DRD2: variants seen among roughly 807,000 people sequenced by gnomAD.
DRD2 encodes the protein dopamine receptor D2, also known as D(2) dopamine receptor.
Under a neutral mutation model 38.0 loss-of-function variants are expected in DRD2, and 8 were observed. That is an observed-to-expected ratio of 0.21 (90% CI 0.12 to 0.38). The LOEUF is 0.38. Ranked by LOEUF, DRD2 falls within the 10% of genes least tolerant of loss-of-function variation. The pLI, the probability that DRD2 is intolerant of heterozygous loss-of-function variation, is 1.00. For synonymous variants in DRD2, 230 were observed against 238.6 expected, an observed-to-expected ratio of 0.96 and a Z score of 0.33; for missense variants, 403 against 607.7, an observed-to-expected ratio of 0.66 and a Z score of 3.54.
intron 1 of DRD2, among the ~76,000 whole-genome samples, chr11:113,449,016 C>A (rs1591295286): frequency 6.6e-6 from 1 of 152,238 alleles, no homozygotes; most frequent in South Asian, 2.1e-4. Flanking sequence ...TTCTATGACT[C>A]CCCTGAAGGG....
chr11:113,415,810 T>C (rs1397978948), intron 4 of DRD2, among the ~76,000 whole-genome samples, 199 bp from the exon 5 acceptor site: 1 of 152,236 alleles, frequency 6.6e-6, no homozygotes, highest in African/African-American at 2.4e-5. Flanking sequence ...AACACGGTTG[T>C]GAGCAAAAAG....
At chr11:113,453,747 G>A (rs1425667241) in intron 1 of DRD2, among the ~76,000 whole-genome samples, 1 of 152,200 alleles carries the variant, frequency 6.6e-6, no homozygotes, top group Non-Finnish European at 1.5e-5. Context: ...CCCCAGGCTG[G>A]ACTCCCTAAA....
chr11:113,410,801 C>T lies in DRD2; in HGVS notation c.1258G>A (p.Ala420Thr). 1 of 1,613,212 alleles carries T rather than the reference C, an allele frequency of 6.2e-7. No individual in the cohort carries two copies. The highest frequency in any genetic ancestry group is 8.5e-7 in the Non-Finnish European group (1 of 1,179,698). The change falls in exon 8 of 8, where the codon GCC becomes ACC. Residue 420 changes from alanine (A) to threonine (T), a missense_variant. Around this residue, in one of 4 missense-constraint regions of DRD2, gnomAD observed 67 missense variants for 136.1 expected, o/e 0.49. Transcript: ENST00000362072. The stretch of plus-strand genomic sequence containing the variant: ...GTGGTGTAGATGATGGGGTTCACGG[C>T]GCTGTTGACATAGCCCAGCCACGTG... ...AFTWLGYVNS[A>T]VNPIIYTTFN...
intron 1 of DRD2, among the ~76,000 whole-genome samples, chr11:113,434,538 G>A (rs990677388): frequency 6.6e-6 from 1 of 152,206 alleles, no homozygotes; most frequent in African/African-American, 2.4e-5. Flanking sequence ...TCCCAGGTGG[G>A]CATCACTGTG....
chr11:113,433,338 T>C, intron 1 of DRD2, among the ~76,000 whole-genome samples: 1 of 152,066 alleles, frequency 6.6e-6, no homozygotes, highest in East Asian at 1.9e-4. Flanking sequence ...GGGGAAGGGC[T>C]CCTCCTTCTT....
rs1032546585 is a variant in DRD2 at position 113,475,298 on chromosome 11, C to A, written c.-254G>T. On this transcript the variant is annotated 5_prime_UTR_variant, in exon 1 of 8. Coordinates refer to ENST00000362072, the MANE Select transcript of DRD2 (RefSeq NM_000795.4). Reference sequence around the variant, plus strand: ...GAGCAGTGGACGGGCCGCGGCGGGGCGGGGCGGGGCGGGGCCGGGCGCGGG... The same window carrying A: ...GAGCAGTGGACGGGCCGCGGCGGGGAGGGGCGGGGCGGGGCCGGGCGCGGG... 2 of 147,472 alleles carry A rather than the reference C, an allele frequency of 1.4e-5. No individual in the cohort carries two copies. The highest frequency in any genetic ancestry group is 4.9e-5 in the African/African-American group (2 of 40,894). 9.1% of individuals were successfully genotyped at this position (147,472 alleles called of 1,614,324 possible).
chr11:113,471,670 G>A (rs1951427723), intron 1 of DRD2, among the ~76,000 whole-genome samples: 1 of 152,158 alleles, frequency 6.6e-6, no homozygotes, highest in Non-Finnish European at 1.5e-5. Context: ...GTCCAGTCCT[G>A]GTGTTCAGAA....
At chr11:113,424,046 C>T (rs1479670542) in intron 2 of DRD2, among the ~76,000 whole-genome samples, 1 of 152,178 alleles carries the variant, frequency 6.6e-6, no homozygotes, top group African/African-American at 2.4e-5. Context: ...CATCTCTGAC[C>T]ACCTGGTTTA....
At chr11:113,468,611 G>A (rs1201691400) in intron 1 of DRD2, among the ~76,000 whole-genome samples, 7 of 152,206 alleles carry the variant, frequency 4.6e-5, no homozygotes, top group Admixed American at 2.6e-4. Flanking sequence ...GCAGTGGCAC[G>A]ATACTGGCTC....
chr11:113,413,702 GTTCTCTGGC>G (rs1950793318), intron 6 of DRD2, among the ~76,000 whole-genome samples: 1 of 152,224 alleles, frequency 6.6e-6, no homozygotes, highest in Non-Finnish European at 1.5e-5. Flanking sequence ...CCCTCTGTGG[GTTCTCTGGC>G]CCTGTTCTCC....
intron 1 of DRD2, among the ~76,000 whole-genome samples, chr11:113,435,260 G>A (rs758013540): frequency 4.0e-4 from 60 of 148,260 alleles, no homozygotes; most frequent in Non-Finnish European, 7.9e-4. Flanking sequence ...TGATGGCTCC[G>A]TAAAAATGTC....
chr11:113,418,910 T>G lies in DRD2; in HGVS notation c.286-774A>C, dbSNP rs372243795. On this transcript the variant is annotated intron_variant, in intron 2 of 7. Coordinates refer to ENST00000362072, the MANE Select transcript of DRD2 (RefSeq NM_000795.4). ...CTGCTGCTTCCCCCTGCACCCCACATGGCGGGCTGAGCATCTGGTTTCTAG... is the reference window on the plus strand; with the variant it reads ...CTGCTGCTTCCCCCTGCACCCCACAGGGCGGGCTGAGCATCTGGTTTCTAG... Among the ~76,000 whole-genome samples, 8 of 152,332 alleles carry G rather than the reference T, an allele frequency of 5.3e-5. No individual in the cohort carries two copies. In the East Asian group the frequency reaches 1.4e-3, roughly 26 times the overall value.
intron 7 of DRD2, 88 bp from the exon 8 acceptor site, chr11:113,411,008 G>A: frequency 7.0e-7 from 1 of 1,427,422 alleles, no homozygotes. Flanking sequence ...TGGCTCGTAT[G>A]CCAAGACGGT....
At chr11:113,465,411 G>GTTGTTGTTTGT (rs1555168770) in intron 1 of DRD2, among the ~76,000 whole-genome samples, 53 of 150,622 alleles carry the variant, frequency 3.5e-4, no homozygotes, top group Admixed American at 1.1e-3. Flanking sequence ...TGTTGTTGTT[G>GTTGTTGTTTGT]TTGTTTGTTT....
chr11:113,467,238 T>G (rs1951379157), intron 1 of DRD2, among the ~76,000 whole-genome samples: 1 of 152,222 alleles, frequency 6.6e-6, no homozygotes, highest in Non-Finnish European at 1.5e-5. Flanking sequence ...TTCTGAAATA[T>G]TCTACCATAG....
chr11:113,415,814 C>T (rs1361057412), intron 4 of DRD2, among the ~76,000 whole-genome samples: 8 of 152,146 alleles, frequency 5.3e-5, no homozygotes, highest in African/African-American at 1.9e-4. Flanking sequence ...CGGTTGTGAG[C>T]AAAAAGTTAA....
chr11:113,413,928 G>A, intron 6 of DRD2: 1 of 286,596 alleles, frequency 3.5e-6, no homozygotes. Context: ...ACACAGGTGT[G>A]GATTTCAGAG....
intron 1 of DRD2, among the ~76,000 whole-genome samples, chr11:113,448,990 C>T (rs1044449667): frequency 2.0e-5 from 3 of 152,226 alleles, no homozygotes; most frequent in Non-Finnish European, 2.9e-5. Context: ...CATGTCACCG[C>T]CTCGCTCAAA....
At chr11:113,459,011 C>T (rs182966234) in intron 1 of DRD2, among the ~76,000 whole-genome samples, 1 of 152,148 alleles carries the variant, frequency 6.6e-6, no homozygotes, top group Non-Finnish European at 1.5e-5. Flanking sequence ...TGATCTGGGG[C>T]AGCATGGAAA....
Sources: allele counts gnomAD v4.1 joint callset (sites outside exome capture counted in the v4.1 genomes callset), GRCh38; gene constraint gnomAD v4.1.1; regional missense constraint gnomAD v4.1.1; transcripts MANE v1.5; gene names NCBI Gene and HGNC (gene_info 2026-07-23, HGNC 2026-07-21).